Variants in GLT8D1 observed in about 807,000 individuals in gnomAD.
GLT8D1 encodes glycosyltransferase 8 domain-containing protein 1.
In GLT8D1, 41 loss-of-function variants were observed where a neutral mutation model predicts 46.2. The observed-to-expected ratio is 0.89, with a 90% CI of 0.69 to 1.15. The LOEUF is 1.15. Ranked by LOEUF, GLT8D1 falls within the 50% of genes most tolerant of loss-of-function variation. The pLI is 0.00. For missense variants in GLT8D1, 408 were observed against 449.3 expected, an observed-to-expected ratio of 0.91 and a Z score of 0.83; for synonymous variants, 150 against 154.2, an observed-to-expected ratio of 0.97 and a Z score of 0.20.
chr3:52,696,070 TTTCC>T, intron 6 of GLT8D1, 30 bp from the exon 7 acceptor site: 1 of 1,445,586 alleles, frequency 6.9e-7, no homozygotes, highest in Non-Finnish European at 9.7e-7. Flanking sequence ...AAGATTTACA[TTTCC>T]GTTGCCTTGA....
chr3:52,697,382 G>C (rs1051191963), intron 4 of GLT8D1: 1 of 328,640 alleles, frequency 3.0e-6, no homozygotes, highest in Non-Finnish European at 5.9e-6. Context: ...GAACTGCTCC[G>C]AGCATGTCCA....
In GLT8D1 at chr3:52,696,525, G is replaced by T; in HGVS notation, c.447+17C>A. The T allele has an allele frequency of 7.9e-7, 1 of 1,267,240 alleles. No homozygotes were observed. The highest frequency in any genetic ancestry group is 1.2e-6 in the Non-Finnish European group (1 of 863,884). The allele number at this position is 1,267,240 out of a possible 1,614,324, so 78.5% of individuals were successfully genotyped here. On this transcript the variant is annotated intron_variant, in intron 5 of 9. Transcript: ENST00000266014. ...TCCTAATACTGCCAAGTGCAAAGAAGGATGCATGGAACTCACAGGTTTCAT... is the reference window on the plus strand; with the variant it reads ...TCCTAATACTGCCAAGTGCAAAGAATGATGCATGGAACTCACAGGTTTCAT...
At position 52,696,602 on chromosome 3, in the gene GLT8D1, G is replaced by A. The variant is rs1487448965; in HGVS notation, c.387C>T (p.Asp129=). 17 of 1,612,086 alleles carry A rather than the reference G, an allele frequency of 1.1e-5. No individual in the cohort carries two copies. Among genetic ancestry groups the A allele is most frequent in the Non-Finnish European group, 1.4e-5 (16 of 1,178,288 alleles). The change falls in exon 5 of 10, where the codon GAC becomes GAT. Residue 129 remains aspartate (D), a synonymous_variant. Coordinates refer to ENST00000266014, the MANE Select transcript of GLT8D1 (RefSeq NM_018446.4). ...KSIRYKIVNF[D]PKLLEGKVKE... ...TTACTTTTCCTTCCAAAAGTTTAGG[G>A]TCAAAATTGACAATTTTGTATCTGA...
At chr3:52,704,358 C>G (rs1053111007) in intron 1 of GLT8D1, among the ~76,000 whole-genome samples, 3 of 148,906 alleles carry the variant, frequency 2.0e-5, no homozygotes, top group Non-Finnish European at 4.4e-5. Flanking sequence ...ACTCAGAAGG[C>G]TGAGGCAGGA....
chr3:52,694,654 C>T lies in GLT8D1; in HGVS notation c.*191G>A. Reference sequence around the variant, plus strand: ...AAACACTTGGTAAGGCAGATGGAGACATATTTATAGTCTATAGTCTGTCTG... The same window carrying T: ...AAACACTTGGTAAGGCAGATGGAGATATATTTATAGTCTATAGTCTGTCTG... On this transcript the variant is annotated 3_prime_UTR_variant, in exon 10 of 10. Transcript: ENST00000266014. 1 of 626,036 alleles carries T rather than the reference C, an allele frequency of 1.6e-6. No individual in the cohort carries two copies. Among genetic ancestry groups the T allele is most frequent in the Non-Finnish European group, 2.9e-6 (1 of 349,396 alleles). The allele number at this position is 626,036 out of a possible 1,614,324, so 38.8% of individuals were successfully genotyped here.
chr3:52,700,203 C>T (rs1175056306), intron 3 of GLT8D1, 59 bp downstream of exon 3: 2 of 1,034,570 alleles, frequency 1.9e-6, no homozygotes, highest in Non-Finnish European at 3.0e-6. Flanking sequence ...GGATGTGTGA[C>T]ACAGAGAATA....
At chr3:52,699,154 T>C (rs546055003) in intron 3 of GLT8D1, among the ~76,000 whole-genome samples, 142 of 152,294 alleles carry the variant, frequency 9.3e-4, no homozygotes, top group Non-Finnish European at 1.6e-3. Context: ...AACTGGAAGG[T>C]ACTAAGCCAA....
Position 52,698,758 on chromosome 3 carries a change from C to T in GLT8D1, c.116-824G>A, listed in dbSNP as rs963802580. Among the ~76,000 whole-genome samples, 4 of 150,738 alleles carry T rather than the reference C, an allele frequency of 2.7e-5. No homozygotes were observed. In the East Asian group the frequency reaches 7.7e-4, roughly 29 times the overall value. On this transcript the variant is annotated intron_variant, in intron 3 of 9. Transcript: ENST00000266014. ...CACACAAGGAAACTGCAATTACTGT[C>T]CTGTATGCATTCTTGCCTTTCATTT...
chr3:52,695,675 T>A, intron 7 of GLT8D1, 88 bp from the exon 8 acceptor site: 4 of 774,300 alleles, frequency 5.2e-6, no homozygotes, highest in Non-Finnish European at 4.4e-6. Context: ...GCTGTTAAAC[T>A]GACTTCTTCA....
chr3:52,696,762 C>G, intron 4 of GLT8D1, 103 bp from the exon 5 acceptor site: 1 of 666,330 alleles, frequency 1.5e-6, no homozygotes, highest in Admixed American at 2.4e-5. Flanking sequence ...TGTTTTCAAG[C>G]TCCTTTTATC....
At chr3:52,703,943 T>A (rs2097341458) in intron 1 of GLT8D1, 1 of 152,234 alleles carries the variant, frequency 6.6e-6, no homozygotes, top group Non-Finnish European at 1.5e-5. Context: ...AATAGTTAAC[T>A]ACATTTTCGT....
At chr3:52,695,068 G>A (rs1405565456) in intron 9 of GLT8D1, 33 bp from the exon 10 acceptor site, 11 of 1,532,648 alleles carry the variant, frequency 7.2e-6, no homozygotes, top group South Asian at 1.1e-5. Flanking sequence ...CCACATCGTT[G>A]CGCCATGTGA....
At position 52,696,659 on chromosome 3, in the gene GLT8D1, C is replaced by T. The variant is rs149028763; in HGVS notation, c.330G>A (p.Arg110=). 267 of 1,528,018 alleles carry T rather than the reference C, an allele frequency of 1.7e-4. 1 individual carries two copies. In the Admixed American group the frequency reaches 4.3e-3, roughly 25 times the overall value. 94.7% of individuals were successfully genotyped at this position (1,528,018 alleles called of 1,614,324 possible). Residue 110 remains arginine (R), a splice_region_variant and synonymous_variant, in exon 5 of 10, where the codon CGG becomes CGA. Transcript: ENST00000266014. ...TCAGGGAATCACTGTTGAGCCAGGA[C>T]CTGATGAAGATAAAACACTACATTT... ...VTLNNTADHL[R]SWLNSDSLKS...
chr3:52,699,519 G>A (rs998091950), intron 3 of GLT8D1, among the ~76,000 whole-genome samples: 1 of 152,010 alleles, frequency 6.6e-6, no homozygotes, highest in Non-Finnish European at 1.5e-5. Context: ...TCCTGACCTC[G>A]TGATCTGCCC....
rs971625465 is a variant in GLT8D1 at position 52,705,437 on chromosome 3, C to T, written c.-37+10G>A. On this transcript the variant is annotated intron_variant, in intron 1 of 9. Transcript: ENST00000266014. Reference sequence around the variant, plus strand: ...CCCTAAATTCCAAGGGTCAGTAGGGCCCCCCTTACACTTTGAAGTGATCGG... The same window carrying T: ...CCCTAAATTCCAAGGGTCAGTAGGGTCCCCCTTACACTTTGAAGTGATCGG... 1 of 152,538 alleles carries T rather than the reference C, an allele frequency of 6.6e-6. No homozygotes were observed. Among genetic ancestry groups the T allele is most frequent in the African/African-American group, 2.4e-5 (1 of 41,456 alleles). 9.4% of individuals were successfully genotyped at this position (152,538 alleles called of 1,614,324 possible).
intron 4 of GLT8D1, 28 bp downstream of exon 4, chr3:52,697,693 G>GAAGCAGAATCACAT: frequency 6.8e-7 from 1 of 1,470,186 alleles, no homozygotes; most frequent in Non-Finnish European, 9.5e-7. Flanking sequence ...TCATCCTCTA[G>GAAGCAGAATCACAT]AAGCAGAATC....
chr3:52,697,009 A>T (rs2097334423), intron 4 of GLT8D1, among the ~76,000 whole-genome samples: 1 of 72,006 alleles, frequency 1.4e-5, no homozygotes, highest in African/African-American at 6.0e-5. Flanking sequence ...GGAGTACTGC[A>T]CATTTTTTCT....
At chr3:52,695,394 T>C (rs1267746319) in intron 8 of GLT8D1, 27 bp downstream of exon 8, 1 of 1,605,122 alleles carries the variant, frequency 6.2e-7, no homozygotes, top group South Asian at 1.1e-5. Flanking sequence ...CAACAGTTTT[T>C]CACAGCTAGG....
rs780240573 is a variant in GLT8D1 at position 52,694,781 on chromosome 3, C to T, written c.*64G>A. 8.8e-6 allele frequency: 10 copies of T among 1,136,836 alleles called. No individual in the cohort carries two copies. Among genetic ancestry groups the T allele is most frequent in the African/African-American group, 3.0e-5 (2 of 65,812 alleles). 70.4% of individuals were successfully genotyped at this position (1,136,836 alleles called of 1,614,324 possible). A position where few individuals can be genotyped will look rare whatever the true frequency, so the allele number is the denominator to read the frequency against. On this transcript the variant is annotated 3_prime_UTR_variant, in exon 10 of 10. Transcript: ENST00000266014. ...AGGCATTGAAGCCTAGCAACTGTTA[C>T]TTCCCACGCATGCTATCTTCCAGGA...
Sources: allele counts gnomAD v4.1 joint callset (sites outside exome capture counted in the v4.1 genomes callset), GRCh38; gene constraint gnomAD v4.1.1; transcripts MANE v1.5; gene names NCBI Gene and HGNC (gene_info 2026-07-23, HGNC 2026-07-21).